GKAP1: variants seen among roughly 807,000 people sequenced by gnomAD.
GKAP1 encodes G kinase-anchoring protein 1.
Under a neutral mutation model 56.7 loss-of-function variants are expected in GKAP1, and 31 were observed. That is an observed-to-expected ratio of 0.55 (90% CI 0.41 to 0.74). GKAP1 has a LOEUF of 0.74. Ranked by LOEUF, GKAP1 falls within the 30% of genes least tolerant of loss-of-function variation. The probability of loss-of-function intolerance (pLI) is 0.00; values close to 1 mark genes in which losing one functional copy is unlikely to be tolerated. For synonymous variants in GKAP1, 151 were observed against 138.6 expected, an observed-to-expected ratio of 1.09 and a Z score of -0.63; for missense variants, 364 against 402.3, an observed-to-expected ratio of 0.90 and a Z score of 0.82.
rs11140254 is a variant in GKAP1 at position 83,792,517 on chromosome 9, C to T, written c.361-3839G>A. ...AGCAGCGCAGAAAATAAAGAAGAGA[C>T]TGATCAAGTTTTGGAACACTGACAA... On this transcript the variant is annotated intron_variant, in intron 4 of 12. Transcript: ENST00000376371. Among the ~76,000 whole-genome samples, 1,212 of 152,184 alleles carry T rather than the reference C, an allele frequency of 8.0e-3. 31 individuals carry two copies. The highest frequency in any genetic ancestry group is 0.037 in the East Asian group (190 of 5,186).
chr9:83,804,381 G>T (rs1415258540), intron 3 of GKAP1, among the ~76,000 whole-genome samples: 1 of 106,898 alleles, frequency 9.4e-6, no homozygotes, highest in South Asian at 3.4e-4. Context: ...CAGCCGCCCC[G>T]TCCGGGAGGG....
intron 7 of GKAP1, among the ~76,000 whole-genome samples, chr9:83,774,437 A>G (rs1248448478): frequency 6.6e-6 from 1 of 151,392 alleles, no homozygotes; most frequent in Non-Finnish European, 1.5e-5. Context: ...CCCTGTCTCT[A>G]CCAAAAATAC....
chr9:83,803,238 C>A (rs1944361734), intron 3 of GKAP1, among the ~76,000 whole-genome samples: 1 of 151,384 alleles, frequency 6.6e-6, no homozygotes, highest in South Asian at 2.1e-4. Context: ...TCTCCCCTCT[C>A]CCCTCTCCCC....
chr9:83,752,441 A>G (rs573337334), intron 9 of GKAP1, among the ~76,000 whole-genome samples: 1 of 152,204 alleles, frequency 6.6e-6, no homozygotes, highest in South Asian at 2.1e-4. Context: ...CAAAAAAACC[A>G]CATTATGCTA....
intron 4 of GKAP1, among the ~76,000 whole-genome samples, chr9:83,795,257 T>C (rs1456509145): frequency 1.3e-5 from 2 of 152,024 alleles, no homozygotes; most frequent in Admixed American, 6.6e-5. Flanking sequence ...GGATATAATT[T>C]ACATATCATT....
chr9:83,780,604 C>T (rs989962154), intron 6 of GKAP1, among the ~76,000 whole-genome samples, 200 bp from the exon 7 acceptor site: 2 of 151,798 alleles, frequency 1.3e-5, no homozygotes, highest in African/African-American at 4.8e-5. Flanking sequence ...TATATAATTA[C>T]TAATTTACTC....
At chr9:83,801,068 T>C (rs1944324130) in intron 3 of GKAP1, among the ~76,000 whole-genome samples, 1 of 152,238 alleles carries the variant, frequency 6.6e-6, no homozygotes. Flanking sequence ...ATTGGGTCTT[T>C]ACAGATGTAA....
chr9:83,797,307 C>T (rs569578972), intron 4 of GKAP1, among the ~76,000 whole-genome samples: 2 of 152,262 alleles, frequency 1.3e-5, no homozygotes, highest in South Asian at 2.1e-4. Context: ...CCTCCATCCC[C>T]GAAATTTCTC....
chr9:83,804,276 C>G (rs1314438823), intron 3 of GKAP1, among the ~76,000 whole-genome samples: 2 of 146,690 alleles, frequency 1.4e-5, no homozygotes, highest in African/African-American at 2.5e-5. Context: ...GCCCGGCCAG[C>G]CGCCCCATCT....
At chr9:83,773,028 A>G (rs1943789858) in intron 7 of GKAP1, among the ~76,000 whole-genome samples, 1 of 152,200 alleles carries the variant, frequency 6.6e-6, no homozygotes, top group Non-Finnish European at 1.5e-5. Flanking sequence ...CAGACTCTTT[A>G]AAAGTTAGAC....
Position 83,787,694 on chromosome 9 carries a change from T to C in GKAP1, c.438+907A>G, listed in dbSNP as rs62561919. Among the ~76,000 whole-genome samples the C allele has an allele frequency of 1.3e-3, 204 of 152,320 alleles. 1 individual carries two copies. The highest frequency in any genetic ancestry group is 2.4e-3 in the Non-Finnish European group (166 of 68,038). On this transcript the variant is annotated intron_variant, in intron 5 of 12. Coordinates refer to ENST00000376371, the MANE Select transcript of GKAP1 (RefSeq NM_025211.4). ...TGTTACGGAATAAAATGTTAAATGA[T>C]ATTAACGTAATGAATACTCACACAA...
At chr9:83,764,469 G>C (rs1943627975) in intron 8 of GKAP1, among the ~76,000 whole-genome samples, 1 of 152,010 alleles carries the variant, frequency 6.6e-6, no homozygotes, top group Non-Finnish European at 1.5e-5. Context: ...CCCAATCTCG[G>C]GTATTTCTTC....
At chr9:83,769,020 C>T in intron 7 of GKAP1, 50 bp from the exon 8 acceptor site, 4 of 1,389,334 alleles carry the variant, frequency 2.9e-6, no homozygotes, top group Non-Finnish European at 4.0e-6. Context: ...CACTGATATG[C>T]ATTTAATACA....
chr9:83,741,635 A>G (rs1564185501), intron 12 of GKAP1, among the ~76,000 whole-genome samples: 1 of 152,172 alleles, frequency 6.6e-6, no homozygotes, highest in South Asian at 2.1e-4. Flanking sequence ...AGGAGATATC[A>G]CTGTATCCAA....
chr9:83,764,762 G>T (rs1943633050), intron 8 of GKAP1, among the ~76,000 whole-genome samples: 1 of 152,176 alleles, frequency 6.6e-6, no homozygotes, highest in Non-Finnish European at 1.5e-5. Context: ...CAAAGAAACT[G>T]GTAGCTTTTT....
intron 10 of GKAP1, among the ~76,000 whole-genome samples, chr9:83,744,483 C>G (rs368443429): frequency 1.3e-5 from 2 of 152,272 alleles, no homozygotes; most frequent in African/African-American, 4.8e-5. Context: ...CCTTCTGAGA[C>G]CTACTTCCCC....
At chr9:83,812,480 T>C (rs1382841869) in intron 2 of GKAP1, among the ~76,000 whole-genome samples, 4 of 151,114 alleles carry the variant, frequency 2.6e-5, no homozygotes, top group African/African-American at 7.3e-5. Context: ...CCAGAGTAGC[T>C]GGGACTACAG....
intron 4 of GKAP1, among the ~76,000 whole-genome samples, chr9:83,792,743 G>A (rs1343388543): frequency 6.6e-6 from 1 of 152,142 alleles, no homozygotes; most frequent in Non-Finnish European, 1.5e-5. Context: ...AAAAGAGAGA[G>A]GGAGACAGAG....
At chr9:83,745,407 A>C (rs1368839242) in intron 10 of GKAP1, among the ~76,000 whole-genome samples, 2 of 152,126 alleles carry the variant, frequency 1.3e-5, no homozygotes, top group Non-Finnish European at 2.9e-5. Flanking sequence ...CCATATTTAC[A>C]TTTACATTAT....
Sources: allele counts gnomAD v4.1 joint callset (sites outside exome capture counted in the v4.1 genomes callset), GRCh38; gene constraint gnomAD v4.1.1; transcripts MANE v1.5; gene names NCBI Gene and HGNC (gene_info 2026-07-23, HGNC 2026-07-21).